DSCAM: variants seen among roughly 807,000 people sequenced by gnomAD.
The protein encoded by DSCAM is DS cell adhesion molecule.
Under a neutral mutation model 217.7 loss-of-function variants are expected in DSCAM, and 47 were observed. The ratio of observed to expected loss-of-function variants is 0.22; its 90% CI spans 0.17 to 0.28. DSCAM has a LOEUF of 0.28. Among genes scored for constraint, DSCAM ranks in the 10% least tolerant of loss-of-function variants. The pLI is 1.00. For synonymous variants in DSCAM, 1,056 were observed against 1,015.3 expected (o/e 1.04, Z -0.76); for missense variants, 2,080 against 2,618.3 (o/e 0.79, Z 4.49).
chr21:40,663,061 GCA>G (rs1568970353), intron 3 of DSCAM, among the ~76,000 whole-genome samples: 1 of 45,358 alleles, frequency 2.2e-5, no homozygotes, highest in Non-Finnish European at 7.4e-5. Context: ...GTGTGTGTGC[GCA>G]CCTGTGTGTA....
intron 3 of DSCAM, among the ~76,000 whole-genome samples, chr21:40,682,810 G>A (rs1260136830): frequency 0.025 from 278 of 11,190 alleles, 74 homozygotes; most frequent in East Asian, 0.089. Context: ...GAAGGGAAGG[G>A]AAGGGAAGGG....
At chr21:40,098,838 G>A (rs752820309) in intron 20 of DSCAM, among the ~76,000 whole-genome samples, 8 of 152,150 alleles carry the variant, frequency 5.3e-5, no homozygotes, top group Middle Eastern at 6.8e-3. Context: ...TAGCATGCAC[G>A]TGCATGTGTA....
intron 11 of DSCAM, among the ~76,000 whole-genome samples, chr21:40,195,610 A>C (rs2090999362): frequency 6.6e-6 from 1 of 152,164 alleles, no homozygotes; most frequent in Admixed American, 6.5e-5. Context: ...GTTTTAACAC[A>C]GGAAGTCTGT....
chr21:40,326,452 G>A (rs1041594032), intron 8 of DSCAM, among the ~76,000 whole-genome samples: 2 of 152,180 alleles, frequency 1.3e-5, no homozygotes, highest in African/African-American at 4.8e-5. Context: ...GCTGAACTTC[G>A]TTGCATACAA....
At chr21:40,834,249 A>G (rs1369093439) in intron 1 of DSCAM, among the ~76,000 whole-genome samples, 2 of 151,696 alleles carry the variant, frequency 1.3e-5, no homozygotes, top group Non-Finnish European at 2.9e-5. Context: ...TCTACTAAAA[A>G]TACAAAAATT....
At chr21:40,414,813 G>T (rs892091906) in intron 3 of DSCAM, among the ~76,000 whole-genome samples, 1 of 152,154 alleles carries the variant, frequency 6.6e-6, no homozygotes, top group African/African-American at 2.4e-5. Context: ...AAAGCACAAG[G>T]TAAGTCATCA....
intron 1 of DSCAM, among the ~76,000 whole-genome samples, chr21:40,738,098 T>C (rs1351098318): frequency 1.3e-5 from 2 of 152,148 alleles, no homozygotes; most frequent in African/African-American, 4.8e-5. Flanking sequence ...AAGAGAAGGG[T>C]CTGCTCTGTT....
At chr21:40,568,355 C>T (rs1221243273) in intron 3 of DSCAM, among the ~76,000 whole-genome samples, 1 of 152,040 alleles carries the variant, frequency 6.6e-6, no homozygotes, top group African/African-American at 2.4e-5. Flanking sequence ...TGAAAAAAGA[C>T]AATGAATTTG....
chr21:40,637,901 C>T (rs2089828342), intron 3 of DSCAM, among the ~76,000 whole-genome samples: 1 of 151,664 alleles, frequency 6.6e-6, no homozygotes, highest in Non-Finnish European at 1.5e-5. Flanking sequence ...TCAGGCAGGT[C>T]TTGAACTCCT....
intron 3 of DSCAM, among the ~76,000 whole-genome samples, chr21:40,497,413 A>T (rs1224435599): frequency 6.6e-6 from 1 of 152,094 alleles, no homozygotes; most frequent in Non-Finnish European, 1.5e-5. Flanking sequence ...GTGAAATCTA[A>T]AAGAATTAAA....
intron 1 of DSCAM, among the ~76,000 whole-genome samples, chr21:40,740,519 T>TA (rs2091113840): frequency 6.6e-6 from 1 of 152,246 alleles, no homozygotes; most frequent in African/African-American, 2.4e-5. Flanking sequence ...CATCAAGCCT[T>TA]ATTTACATTT....
At chr21:40,622,007 A>T (rs1041689887) in intron 3 of DSCAM, among the ~76,000 whole-genome samples, 8 of 152,144 alleles carry the variant, frequency 5.3e-5, no homozygotes, top group Non-Finnish European at 1.0e-4. Context: ...ATAAAAGATA[A>T]AATTCAAAGT....
chr21:40,228,100 GT>G (rs2091349400), intron 11 of DSCAM, among the ~76,000 whole-genome samples: 1 of 152,160 alleles, frequency 6.6e-6, no homozygotes, highest in Admixed American at 6.5e-5. Flanking sequence ...GGTTATGAGA[GT>G]TTTGAAGGGG....
At chr21:40,158,911 G>A (rs2090508440) in intron 16 of DSCAM, among the ~76,000 whole-genome samples, 2 of 152,200 alleles carry the variant, frequency 1.3e-5, no homozygotes, top group Admixed American at 1.3e-4. Context: ...ACAATGAAGA[G>A]TTTGGCTTTA....
intron 3 of DSCAM, among the ~76,000 whole-genome samples, chr21:40,634,380 C>T (rs1353638521): frequency 6.6e-6 from 1 of 152,140 alleles, no homozygotes; most frequent in Admixed American, 6.5e-5. Flanking sequence ...CCGTGTTTCC[C>T]CACTCAGCTC....
intron 10 of DSCAM, among the ~76,000 whole-genome samples, chr21:40,295,472 G>A (rs2073943785): frequency 6.6e-6 from 1 of 152,138 alleles, no homozygotes; most frequent in Non-Finnish European, 1.5e-5. Flanking sequence ...TGCATTAGAA[G>A]AGGAAACATG....
rs575387082 is a variant in DSCAM, at chr21:40,145,519, G to C, written c.3019-788C>G. ...GTCAAAGTAGGATTTAGGCTGATGC[G>C]TAGGACTCATTTAGAAACCAGAGCC... On this transcript the variant is annotated intron_variant, in intron 16 of 32. Coordinates refer to ENST00000400454, the MANE Select transcript of DSCAM (RefSeq NM_001389.5). 4.1e-4 allele frequency among the ~76,000 whole-genome samples: 63 copies of C among 152,258 alleles called. 1 individual carries two copies. Among genetic ancestry groups the C allele is most frequent in the Admixed American group, 3.3e-3 (51 of 15,296 alleles).
chr21:40,351,480 G>A (rs1029166056), intron 5 of DSCAM, among the ~76,000 whole-genome samples: 15 of 152,224 alleles, frequency 9.9e-5, no homozygotes, highest in Admixed American at 2.6e-4. Context: ...AAGGCTGTAA[G>A]TACAGATTCA....
At chr21:40,050,334 C>G (rs2088908697) in intron 30 of DSCAM, among the ~76,000 whole-genome samples, 1 of 152,196 alleles carries the variant, frequency 6.6e-6, no homozygotes, top group Admixed American at 6.5e-5. Flanking sequence ...CTCTAAAAAT[C>G]TAATCCTTTC....
Sources: gnomAD v4.1 joint callset for allele counts (sites outside exome capture counted in the v4.1 genomes callset) on GRCh38, gnomAD v4.1.1 for gene constraint, MANE v1.5 for transcripts, NCBI Gene and HGNC (gene_info 2026-07-23, HGNC 2026-07-21) for gene names.